Variants in ABCE1 observed in about 807,000 individuals in gnomAD.
ABCE1 encodes the protein ATP binding cassette subfamily E member 1.
Under a neutral mutation model 83.4 loss-of-function variants are expected in ABCE1, and 22 were observed. The ratio of observed to expected loss-of-function variants is 0.26; its 90% CI spans 0.19 to 0.38. ABCE1 has a LOEUF of 0.38. Ranked by LOEUF, ABCE1 falls within the 10% of genes least tolerant of loss-of-function variation. ABCE1 has a pLI of 1.00. For synonymous variants in ABCE1, 204 were observed against 233.7 expected (o/e 0.87, Z 1.16); for missense variants, 330 against 721.9 (o/e 0.46, Z 6.22).
Position 145,128,942 on chromosome 4 carries a change from A to G in ABCE1, c.*1369A>G, listed in dbSNP as rs1211242263. On this transcript the variant is annotated 3_prime_UTR_variant, in exon 18 of 18. Coordinates refer to ENST00000296577, the MANE Select transcript of ABCE1 (RefSeq NM_002940.3). ...ATATACAGAATGGAATAAAAAAATG[A>G]TCTCCCTTTATTACCCTCCCAAAGG... 1 of 152,136 alleles carries G rather than the reference A, an allele frequency of 6.6e-6. No individual in the cohort carries two copies. Among genetic ancestry groups the G allele is most frequent in the Non-Finnish European group, 1.5e-5 (1 of 68,002 alleles). The allele number at this position is 152,136 out of a possible 1,614,324, so 9.4% of individuals were successfully genotyped here. A position where few individuals can be genotyped will look rare whatever the true frequency, so the allele number is the denominator to read the frequency against.
chr4:145,109,631 CTG>C (rs1334207560), intron 5 of ABCE1, among the ~76,000 whole-genome samples: 1 of 152,150 alleles, frequency 6.6e-6, no homozygotes, highest in Non-Finnish European at 1.5e-5. Context: ...TTAGGAGCCA[CTG>C]TGTAATGTTC....
intron 16 of ABCE1, 175 bp downstream of exon 16, chr4:145,123,775 T>C: frequency 1.9e-6 from 1 of 516,626 alleles, no homozygotes; most frequent in Non-Finnish European, 3.3e-6. Flanking sequence ...GAGTAGTGTT[T>C]AGGCTTCAGT....
At chr4:145,102,212 C>G (rs892705614) in intron 1 of ABCE1, among the ~76,000 whole-genome samples, 2 of 152,018 alleles carry the variant, frequency 1.3e-5, no homozygotes, top group Non-Finnish European at 2.9e-5. Context: ...AATGATGGCT[C>G]GAAAAGTTTT....
chr4:145,101,189 T>TA (rs1560955498), intron 1 of ABCE1, among the ~76,000 whole-genome samples: 1 of 152,152 alleles, frequency 6.6e-6, no homozygotes, highest in Non-Finnish European at 1.5e-5. Context: ...ATTGTGGTAG[T>TA]GTAGTTACAA....
chr4:145,123,384 T>C (rs750481391), intron 15 of ABCE1, 27 bp downstream of exon 15: 7 of 1,596,308 alleles, frequency 4.4e-6, no homozygotes, highest in Admixed American at 1.7e-5. Flanking sequence ...TAGCCATATT[T>C]TGATTATGTA....
In ABCE1 at chr4:145,110,257, GGGAACTTAAC is replaced by G. The variant is rs1366510621; in HGVS notation, c.543+21_543+30del. 6.3e-7 allele frequency: 1 copy of G among 1,597,178 alleles called. No individual in the cohort carries two copies. Among genetic ancestry groups the G allele is most frequent in the African/African-American group, 1.4e-5 (1 of 73,530 alleles). Reference sequence around the variant, plus strand: ...GCTGCAAAGGTCGGTTTTTGATAGAGGGAACTTAACGGATATTAGTAGAAGTATAAAAGAT... The same window carrying G: ...GCTGCAAAGGTCGGTTTTTGATAGAGGGATATTAGTAGAAGTATAAAAGAT... On this transcript the variant is annotated intron_variant, in intron 6 of 17. Transcript: ENST00000296577.
In ABCE1 at chr4:145,100,538, G is replaced by A. The variant is rs35685906; in HGVS notation, c.-28+2119G>A. On this transcript the variant is annotated intron_variant, in intron 1 of 17. Coordinates refer to ENST00000296577, the MANE Select transcript of ABCE1 (RefSeq NM_002940.3). ...CAGTATTTAAATTAGAATGCATGGT[G>A]TCCAGTTTTAATAGCTTGCTGAAGA... Among the ~76,000 whole-genome samples, 1,269 of 152,356 alleles carry A rather than the reference G, an allele frequency of 8.3e-3. 9 individuals carry two copies. The highest frequency in any genetic ancestry group is 0.014 in the Non-Finnish European group (932 of 68,030).
chr4:145,104,862 A>G (rs1341959496), intron 2 of ABCE1, among the ~76,000 whole-genome samples: 1 of 151,714 alleles, frequency 6.6e-6, no homozygotes, highest in Non-Finnish European at 1.5e-5. Context: ...CAATGGGGGA[A>G]GGGTTACAGT....
rs370576911 is a variant in ABCE1 at position 145,123,239 on chromosome 4, C to T, written c.1399C>T (p.Leu467=). 16 of 1,609,050 alleles carry T rather than the reference C, an allele frequency of 9.9e-6. No individual in the cohort carries two copies. Among genetic ancestry groups the T allele is most frequent in the Non-Finnish European group, 1.4e-5 (16 of 1,177,906 alleles). The part of the protein sequence containing the change: ...QEVQTLSGGE[L]QRVALALCLG... ...GGTGCAGACATTATCTGGTGGTGAACTACAGCGAGTAGCTTTAGCCCTTTG... is the reference window on the plus strand; with the variant it reads ...GGTGCAGACATTATCTGGTGGTGAATTACAGCGAGTAGCTTTAGCCCTTTG... Residue 467 remains leucine (L), a synonymous_variant, in exon 15 of 18, where the codon CTA becomes TTA. Coordinates refer to ENST00000296577, the MANE Select transcript of ABCE1 (RefSeq NM_002940.3).
chr4:145,104,983 G>A (rs1405752482), intron 2 of ABCE1, among the ~76,000 whole-genome samples: 2 of 151,938 alleles, frequency 1.3e-5, no homozygotes, highest in African/African-American at 4.8e-5. Context: ...CAACAATTCA[G>A]TTGAAAAATT....
chr4:145,124,480 T>C (rs1749824127), intron 16 of ABCE1, among the ~76,000 whole-genome samples: 1 of 152,170 alleles, frequency 6.6e-6, no homozygotes, highest in African/African-American at 2.4e-5. Context: ...TTTAAAATGT[T>C]TCACATGTAT....
rs1277175534 is a variant in ABCE1, at chr4:145,123,459, C to A, written c.1518-19C>A. ...TTTATGATAGAAAGCTATAAGATTTCAAAATCATTGTGTTTTAGTTTCATA... is the reference window on the plus strand; with the variant it reads ...TTTATGATAGAAAGCTATAAGATTTAAAAATCATTGTGTTTTAGTTTCATA... On this transcript the variant is annotated intron_variant, in intron 15 of 17. Transcript: ENST00000296577. 6.3e-7 allele frequency: 1 copy of A among 1,593,324 alleles called. No homozygotes were observed. The highest frequency in any genetic ancestry group is 1.7e-5 in the Admixed American group (1 of 59,508).
chr4:145,107,965 TA>T, intron 3 of ABCE1, 49 bp from the exon 4 acceptor site: 1 of 1,412,124 alleles, frequency 7.1e-7, no homozygotes, highest in Non-Finnish European at 9.8e-7. Context: ...TAGTTATGTG[TA>T]TATGTCTACA....
At chr4:145,103,579 A>G (rs1235041680) in intron 1 of ABCE1, among the ~76,000 whole-genome samples, 1 of 152,230 alleles carries the variant, frequency 6.6e-6, no homozygotes, top group Non-Finnish European at 1.5e-5. Flanking sequence ...TTTCATTGCT[A>G]TTATGATTAT....
intron 1 of ABCE1, among the ~76,000 whole-genome samples, chr4:145,098,947 T>C (rs1197508187): frequency 6.6e-6 from 1 of 152,254 alleles, no homozygotes; most frequent in Non-Finnish European, 1.5e-5. Context: ...ATAGAAATGA[T>C]GCCCACATGT....
Position 145,106,833 on chromosome 4 carries a change from AACTT to A in ABCE1, c.189+1145_189+1148del, listed in dbSNP as rs1749316357. 3.3e-5 allele frequency among the ~76,000 whole-genome samples: 5 copies of A among 152,272 alleles called. No individual in the cohort carries two copies. The South Asian group carries it at 1.0e-3, about 32-fold the overall frequency. Reference sequence around the variant, plus strand: ...AATATAGAAAAATATAATTTGTAAAAACTTAATAGTTTTGGTTAGAGGGTGGAAA... The same window carrying A: ...AATATAGAAAAATATAATTTGTAAAAAATAGTTTTGGTTAGAGGGTGGAAA... On this transcript the variant is annotated intron_variant, in intron 3 of 17. Coordinates refer to ENST00000296577, the MANE Select transcript of ABCE1 (RefSeq NM_002940.3).
Position 145,129,469 on chromosome 4 carries a change from A to G in ABCE1, c.*1896A>G, listed in dbSNP as rs928868013. 1.3e-5 allele frequency among the ~76,000 whole-genome samples: 2 copies of G among 152,174 alleles called. No individual in the cohort carries two copies. Among genetic ancestry groups the G allele is most frequent in the Non-Finnish European group, 2.9e-5 (2 of 68,016 alleles). On this transcript the variant is annotated 3_prime_UTR_variant, in exon 18 of 18. Coordinates refer to ENST00000296577, the MANE Select transcript of ABCE1 (RefSeq NM_002940.3). ...AAAAACTGGAACAGTTTATTATACT[A>G]CCATTTTTGTGAAAATATACAAAAT...
intron 1 of ABCE1, among the ~76,000 whole-genome samples, chr4:145,099,328 T>C (rs1217019369): frequency 1.3e-5 from 2 of 152,224 alleles, no homozygotes; most frequent in African/African-American, 2.4e-5. Context: ...TTTTACTCTT[T>C]CCCAACAGGA....
rs749312212 is a variant in ABCE1, at chr4:145,110,132, T to G, written c.435T>G (p.Thr145=). ...CTCCTGACTGGCAGGAGATTTTGACTTATTTCCGTGGATCTGAATTACAAA... is the reference window on the plus strand; with the variant it reads ...CTCCTGACTGGCAGGAGATTTTGACGTATTTCCGTGGATCTGAATTACAAA... ...DDPPDWQEIL[T]YFRGSELQNY... The change falls in exon 6 of 18, where the codon ACT becomes ACG. Residue 145 remains threonine (T), a synonymous_variant. Transcript: ENST00000296577. 8 of 1,591,304 alleles carry G rather than the reference T, an allele frequency of 5.0e-6. No individual in the cohort carries two copies. Among genetic ancestry groups the G allele is most frequent in the Middle Eastern group, 1.7e-4 (1 of 5,886 alleles).
Sources: allele counts gnomAD v4.1 joint callset (sites outside exome capture counted in the v4.1 genomes callset), GRCh38; gene constraint gnomAD v4.1.1; transcripts MANE v1.5; gene names NCBI Gene and HGNC (gene_info 2026-07-23, HGNC 2026-07-21).